SBK3: variants seen among roughly 807,000 people sequenced by gnomAD.
SBK3 encodes the protein SH3 domain binding kinase family member 3, also known as uncharacterized serine/threonine-protein kinase SBK3.
In SBK3, 16 loss-of-function variants were observed where a neutral mutation model predicts 12.7. The ratio of observed to expected loss-of-function variants is 1.26; its 90% CI spans 0.86 to 1.92. The LOEUF (loss-of-function observed/expected upper bound fraction) is 1.92. Ranked by LOEUF, SBK3 falls within the 40% of genes most tolerant of loss-of-function variation. The probability of loss-of-function intolerance (pLI) is 0.00; values close to 1 mark genes in which losing one functional copy is unlikely to be tolerated. For synonymous variants in SBK3, 217 were observed against 213.6 expected, an observed-to-expected ratio of 1.02 and a Z score of -0.14; for missense variants, 462 against 481.8, an observed-to-expected ratio of 0.96 and a Z score of 0.38.
rs893360585 is a variant in SBK3 at position 55,541,581 on chromosome 19, T to C, written c.400-55A>G. On this transcript the variant is annotated intron_variant, in intron 3 of 3. Transcript: ENST00000612221. This position sits in a 1 kb window ranked among gnomAD's most constrained non-coding sequence, Gnocchi z 5.3. ...GAGTGTCTTGGTTTTGTCTTTTTTA[T>C]GTTGTCCAGGCTGGTCTCAAACTCC... 5 of 1,391,792 alleles carry C rather than the reference T, an allele frequency of 3.6e-6. No homozygotes were observed. The highest frequency in any genetic ancestry group is 1.4e-5 in the South Asian group (1 of 69,816). The allele number at this position is 1,391,792 out of a possible 1,614,324, so 86.2% of individuals were successfully genotyped here.
rs1253780407 is a variant in SBK3, at chr19:55,544,710, C to T, written c.196+89G>A. ...CCACTGAGAAGGGTCCCCATCAGCTCCTCCTGGGAATGCCCCCTGTCTGGG... is the reference window on the plus strand; with the variant it reads ...CCACTGAGAAGGGTCCCCATCAGCTTCTCCTGGGAATGCCCCCTGTCTGGG... On this transcript the variant is annotated intron_variant, in intron 2 of 3. Transcript: ENST00000612221. The T allele has an allele frequency of 3.8e-6, 5 of 1,299,990 alleles. No homozygotes were observed. In the African/African-American group the frequency reaches 7.5e-5, roughly 19 times the overall value. The allele number at this position is 1,299,990 out of a possible 1,614,324, so 80.5% of individuals were successfully genotyped here. A position where few individuals can be genotyped will look rare whatever the true frequency, so the allele number is the denominator to read the frequency against.
rs1266067551 is a variant in SBK3, at chr19:55,541,254, GT to G, written c.671del (p.Asp224AlafsTer36). The G allele has an allele frequency of 1.3e-6, 2 of 1,535,920 alleles. No individual in the cohort carries two copies. The highest frequency in any genetic ancestry group is 1.7e-6 in the Non-Finnish European group (2 of 1,146,880). On this transcript the variant is annotated frameshift_variant, in exon 4 of 4. Transcript: ENST00000612221. LOFTEE classifies it low-confidence loss of function (END_TRUNC). The surrounding 1 kb of genome is among the most constrained non-coding windows in gnomAD (Gnocchi z 5.3). ...AGAGAAGCACCCCCAGGCCCCAGGA[GT>G]CCACGGCTGGCCGCAGAGGCAGGGT... Reference protein sequence around the residue: ...PDTLPLRPAVDSWGLGVLLFC... With the variant: ...PDTLPLRPAVXSWGLGVLLFC...
In SBK3 at chr19:55,544,791, G is replaced by T; in HGVS notation, c.196+8C>A. ...TTGGGGAGGCTGCCCTTGGGTGGCT[G>T]AACTCACCCCCCTGGTGAGGCTGGG... On this transcript the variant is annotated splice_region_variant and intron_variant, in intron 2 of 3. Coordinates refer to ENST00000612221, the MANE Select transcript of SBK3 (RefSeq NM_001199824.2). The T allele has an allele frequency of 6.7e-7, 1 of 1,488,914 alleles. No homozygotes were observed. The highest frequency in any genetic ancestry group is 8.9e-7 in the Non-Finnish European group (1 of 1,123,954). The allele number at this position is 1,488,914 out of a possible 1,614,324, so 92.2% of individuals were successfully genotyped here.
chr19:55,544,674 T>G (rs1988632578), intron 2 of SBK3, 125 bp downstream of exon 2: 7 of 983,528 alleles, frequency 7.1e-6, no homozygotes, highest in Non-Finnish European at 1.0e-5. Context: ...CTCTTAACTT[T>G]CAGAGTACCC....
chr19:55,542,176 A>G (rs988113444), intron 3 of SBK3, among the ~76,000 whole-genome samples: 3 of 152,202 alleles, frequency 2.0e-5, no homozygotes, highest in African/African-American at 7.2e-5. Context: ...CCAGGCAGCA[A>G]TTCATCCATG....
At chr19:55,544,430 G>C (rs2123494384) in intron 2 of SBK3, 128 bp from the exon 3 acceptor site, 1 of 765,562 alleles carries the variant, frequency 1.3e-6, no homozygotes, top group African/African-American at 1.7e-5. Flanking sequence ...TGTCTGTGAA[G>C]TGTGGGTGGG....
intron 3 of SBK3, among the ~76,000 whole-genome samples, chr19:55,543,304 T>TCATC (rs58908017): frequency 0.067 from 3,373 of 50,466 alleles, 596 homozygotes; most frequent in African/African-American, 0.24. Context: ...ACCAATCCTT[T>TCATC]CATCCATCCA....
chr19:55,542,295 A>G (rs1988569724), intron 3 of SBK3, among the ~76,000 whole-genome samples: 1 of 152,062 alleles, frequency 6.6e-6, no homozygotes, highest in South Asian at 2.1e-4. Flanking sequence ...TCCAACATCC[A>G]TATATTCATC....
Position 55,544,202 on chromosome 19 carries a change from G to A in SBK3, c.297C>T (p.Gly99=), listed in dbSNP as rs1988622097. 6.5e-7 allele frequency: 1 copy of A among 1,535,890 alleles called. No homozygotes were observed. The highest frequency in any genetic ancestry group is 1.2e-5 in the South Asian group (1 of 84,072). ...CVGRCVSAHP[G]LLQTLAGPLQ... is the part of the protein sequence containing the mutation. ...GGGGTCCTGCCAGGGTCTGCAGCAGGCCTGGGTGTGCAGAGACGCAGCGGC... is the reference window on the plus strand; with the variant it reads ...GGGGTCCTGCCAGGGTCTGCAGCAGACCTGGGTGTGCAGAGACGCAGCGGC... The change falls in exon 3 of 4, where the codon GGC becomes GGT. Residue 99 remains glycine, a synonymous_variant. Transcript: ENST00000612221.
intron 3 of SBK3, among the ~76,000 whole-genome samples, chr19:55,542,812 C>T (rs1464737547): frequency 2.0e-5 from 3 of 148,268 alleles, no homozygotes; most frequent in South Asian, 4.4e-4. Flanking sequence ...TTCCTTCTAT[C>T]GATCCATCCA....
At position 55,541,578 on chromosome 19, in the gene SBK3, T is replaced by C; in HGVS notation, c.400-52A>G. 1 of 1,402,480 alleles carries C rather than the reference T, an allele frequency of 7.1e-7. No homozygotes were observed. The highest frequency in any genetic ancestry group is 9.5e-7 in the Non-Finnish European group (1 of 1,055,552). 86.9% of individuals were successfully genotyped at this position (1,402,480 alleles called of 1,614,324 possible). On this transcript the variant is annotated intron_variant, in intron 3 of 3. Coordinates refer to ENST00000612221, the MANE Select transcript of SBK3 (RefSeq NM_001199824.2). The surrounding 1 kb of genome is among the most constrained non-coding windows in gnomAD (Gnocchi z 5.3). ...TCAGAGTGTCTTGGTTTTGTCTTTTTTATGTTGTCCAGGCTGGTCTCAAAC... is the reference window on the plus strand; with the variant it reads ...TCAGAGTGTCTTGGTTTTGTCTTTTCTATGTTGTCCAGGCTGGTCTCAAAC...
intron 2 of SBK3, 77 bp downstream of exon 2, chr19:55,544,722 G>T: frequency 7.4e-7 from 1 of 1,358,280 alleles, no homozygotes; most frequent in Non-Finnish European, 9.7e-7. Context: ...TCCTGGGAAT[G>T]CCCCCTGTCT....
rs595284 is a variant in SBK3 at position 55,545,310 on chromosome 19, A to G, written c.45+189T>C. Reference sequence around the variant, plus strand: ...ATCCCGCTGTGTGTTTCTGAGTCCAATTCTCTGGGGGCCTTGGTCTCGCTG... The same window carrying G: ...ATCCCGCTGTGTGTTTCTGAGTCCAGTTCTCTGGGGGCCTTGGTCTCGCTG... On this transcript the variant is annotated intron_variant, in intron 1 of 3. Transcript: ENST00000612221. The surrounding 1 kb of genome is among the most constrained non-coding windows in gnomAD (Gnocchi z 4.4). The G allele has an allele frequency of 2.5e-3, 1,484 of 597,704 alleles. 16 individuals are homozygous for G. Among genetic ancestry groups the G allele is most frequent in the African/African-American group, 0.024 (1,277 of 53,484 alleles). The allele number at this position is 597,704 out of a possible 1,614,324, so 37.0% of individuals were successfully genotyped here.
In SBK3 at chr19:55,541,676, G is replaced by A. The variant is rs1490906250; in HGVS notation, c.400-150C>T. The stretch of plus-strand genomic sequence containing the variant: ...ATTATAGGCATGAGGCACTGCACCA[G>A]TTGGTTCCTTCTGAATAATTTTTGA... On this transcript the variant is annotated intron_variant, in intron 3 of 3. Transcript: ENST00000612221. The surrounding 1 kb of genome is among the most constrained non-coding windows in gnomAD (Gnocchi z 5.3). 3.4e-6 allele frequency: 2 copies of A among 588,936 alleles called. No individual in the cohort carries two copies. The highest frequency in any genetic ancestry group is 3.3e-5 in the Admixed American group (1 of 30,304). 36.5% of individuals were successfully genotyped at this position (588,936 alleles called of 1,614,324 possible). A position where few individuals can be genotyped will look rare whatever the true frequency, so the allele number is the denominator to read the frequency against.
At chr19:55,544,337 G>T (rs541672987) in intron 2 of SBK3, 35 bp from the exon 3 acceptor site, 1 of 1,500,432 alleles carries the variant, frequency 6.7e-7, no homozygotes, top group Non-Finnish European at 8.9e-7. Context: ...ACACTCAGGC[G>T]GCTCCAGTCC....
rs901961829 is a variant in SBK3, at chr19:55,541,501, C to T, written c.425G>A (p.Arg142Gln). The T allele has an allele frequency of 9.2e-6, 14 of 1,522,432 alleles. No homozygotes were observed. The highest frequency in any genetic ancestry group is 1.4e-5 in the African/African-American group (1 of 72,956). The allele number at this position is 1,522,432 out of a possible 1,614,324, so 94.3% of individuals were successfully genotyped here. The change falls in exon 4 of 4, where the codon CGG becomes CAG. Residue 142 changes from arginine (R) to glutamine (Q), a missense_variant. By Grantham distance (43) the Arg-to-Gln change is conservative. Transcript: ENST00000612221. This position sits in a 1 kb window ranked among gnomAD's most constrained non-coding sequence, Gnocchi z 5.3. ...ERGLPELLVK[R>Q]VVAQLAGALD... ...AGCTCCTGCCAACTGGGCCACCACC[C>T]GCTTCACCAGCAGTTCTGGGAGGCC...
At chr19:55,543,931 G>T (rs1355381851) in intron 3 of SBK3, among the ~76,000 whole-genome samples, 169 bp downstream of exon 3, 2 of 152,108 alleles carry the variant, frequency 1.3e-5, no homozygotes, top group Admixed American at 1.3e-4. Context: ...GTTGAGGTCA[G>T]GCATGGAACC....
In SBK3 at chr19:55,541,092, T is replaced by TG. The variant is rs903588687; in HGVS notation, c.833dup (p.Ala279SerfsTer16). The stretch of plus-strand genomic sequence containing the variant: ...GAAGCCCCTGGAGCAAGGCCAGGGC[T>TG]GGGGGCGCAAACTGGTCCCAGGGTG... On this transcript the variant is annotated frameshift_variant, in exon 4 of 4. Transcript: ENST00000612221. LOFTEE classifies it low-confidence loss of function (END_TRUNC). This position sits in a 1 kb window ranked among gnomAD's most constrained non-coding sequence, Gnocchi z 5.3. The TG allele has an allele frequency of 6.5e-7, 1 of 1,535,782 alleles. No individual in the cohort carries two copies. Among genetic ancestry groups the TG allele is most frequent in the African/African-American group, 1.4e-5 (1 of 73,028 alleles).
Position 55,541,197 on chromosome 19 carries a change from G to A in SBK3, c.729C>T (p.Asp243=), listed in dbSNP as rs765336565. 1.1e-5 allele frequency: 17 copies of A among 1,535,964 alleles called. No homozygotes were observed. The highest frequency in any genetic ancestry group is 5.9e-5 in the South Asian group (5 of 84,060). ...ACTCAGGGTTGGGGGCCAGTGCCAC[G>A]TCCCAAGGGAAACAGGCAGTGGCAG... ...FCAATACFPW[D]VALAPNPEFE... Residue 243 remains aspartate, a synonymous_variant, in exon 4 of 4, where the codon GAC becomes GAT. Coordinates refer to ENST00000612221, the MANE Select transcript of SBK3 (RefSeq NM_001199824.2). This position sits in a 1 kb window ranked among gnomAD's most constrained non-coding sequence, Gnocchi z 5.3.
Sources: allele counts gnomAD v4.1 joint callset (sites outside exome capture counted in the v4.1 genomes callset), GRCh38; gene constraint gnomAD v4.1.1; non-coding constraint Gnocchi (gnomAD v3.1); transcripts MANE v1.5; gene names NCBI Gene and HGNC (gene_info 2026-07-23, HGNC 2026-07-21).